Variants in COQ4 observed in about 807,000 individuals in gnomAD.
COQ4 encodes the protein coenzyme Q4.
In COQ4, 36 loss-of-function variants were observed where a neutral mutation model predicts 30.2. The ratio of observed to expected loss-of-function variants is 1.19; its 90% CI spans 0.91 to 1.57. The LOEUF (loss-of-function observed/expected upper bound fraction) is 1.57. COQ4 is among the 40% of genes most tolerant of loss of function. The pLI is 0.00. For synonymous variants in COQ4, 197 were observed against 161.0 expected (o/e 1.22, Z -1.69); for missense variants, 369 against 371.9 (o/e 0.99, Z 0.07).
chr9:128,332,813 T>C (rs1832436584), intron 5 of COQ4, 37 bp from the exon 6 acceptor site: 6 of 1,483,044 alleles, frequency 4.0e-6, no homozygotes, highest in Middle Eastern at 1.7e-4. Flanking sequence ...TTCCTTCAGA[T>C]AGCTTGTTCA....
chr9:128,333,082 A>C, intron 6 of COQ4, 139 bp downstream of exon 6: 1 of 711,080 alleles, frequency 1.4e-6, no homozygotes, highest in East Asian at 2.7e-5. Flanking sequence ...GTAAGGGTAG[A>C]AAGAATGGAG....
rs202108389 is a variant in COQ4 at position 128,325,197 on chromosome 9, G to C, written c.257G>C (p.Arg86Thr). ...GGACACCGCACCCTGAAGGTCCTCA[G>C]GGACCAGATGAGGAGGGATCCAGAG... ...TTGHRTLKVLRDQMRRDPEGA... is the reference protein window; with the variant it reads ...TTGHRTLKVLTDQMRRDPEGA... The change falls in exon 3 of 7, where the codon AGG becomes ACG. Residue 86 changes from arginine to threonine, a missense_variant. Transcript: ENST00000300452. 3.7e-6 allele frequency: 6 copies of C among 1,614,160 alleles called. No homozygotes were observed. The African/African-American group carries it at 6.7e-5, about 18-fold the overall frequency.
rs1398747078 is a variant in COQ4 at position 128,323,028 on chromosome 9, G to A, written c.83G>A (p.Arg28Gln). Residue 28 changes from arginine to glutamine, a missense_variant, in exon 2 of 7, where the codon CGG (arginine) becomes CAG (glutamine). Arg to Gln is a conservative substitution (Grantham distance 43). Transcript: ENST00000300452. The stretch of plus-strand genomic sequence containing the variant: ...TCTTGCCCCGCAGAAATGCCCCTCC[G>A]GGCTAGGAGCGACGGCGCCGGCCCG... Reference protein sequence around the residue: ...LQRPAAEMPLRARSDGAGPLY... With the variant: ...LQRPAAEMPLQARSDGAGPLY... 6.2e-7 allele frequency: 1 copy of A among 1,611,832 alleles called. No individual in the cohort carries two copies. The highest frequency in any genetic ancestry group is 1.7e-5 in the Admixed American group (1 of 60,010).
intron 4 of COQ4, chr9:128,331,195 G>A (rs1255500882): frequency 2.0e-5 from 3 of 152,190 alleles, no homozygotes; most frequent in Admixed American, 6.5e-5. Context: ...TTGAAGTCTC[G>A]TGTGTATTTT....
chr9:128,322,907 G>A lies in COQ4; in HGVS notation c.49G>A (p.Gly17Ser). Reference sequence around the variant, plus strand: ...CCTCCGTCGGCTCTGCGGGCTCCCGGGCCTACAGCGGCCTGCGGCAGGCAA... The same window carrying A: ...CCTCCGTCGGCTCTGCGGGCTCCCGAGCCTACAGCGGCCTGCGGCAGGCAA... ...PVLRRLCGLP[G>S]LQRPAAEMPL... is the part of the protein sequence containing the mutation. Residue 17 changes from glycine to serine, a missense_variant, in exon 1 of 7, where the codon GGC (glycine) becomes AGC (serine). By Grantham distance (56) the Gly-to-Ser change is moderately conservative (BLOSUM62 0). Coordinates refer to ENST00000300452, the MANE Select transcript of COQ4 (RefSeq NM_016035.5). 1 of 1,597,030 alleles carries A rather than the reference G, an allele frequency of 6.3e-7. No individual in the cohort carries two copies. The highest frequency in any genetic ancestry group is 8.5e-7 in the Non-Finnish European group (1 of 1,176,112).
intron 4 of COQ4, among the ~76,000 whole-genome samples, chr9:128,329,236 ACTTATCGGC>A (rs549552236): frequency 8.5e-5 from 13 of 152,292 alleles, no homozygotes; most frequent in African/African-American, 3.1e-4. Flanking sequence ...CTTCCAGGGC[ACTTATCGGC>A]CTTGGTAATG....
chr9:128,326,258 G>A (rs1054076003), intron 4 of COQ4: 5 of 395,938 alleles, frequency 1.3e-5, no homozygotes, highest in South Asian at 3.5e-5. Context: ...AATGGAGATA[G>A]TAATCAATCC....
chr9:128,328,928 C>T (rs1295816676), intron 4 of COQ4, among the ~76,000 whole-genome samples: 4 of 152,236 alleles, frequency 2.6e-5, no homozygotes, highest in Non-Finnish European at 5.9e-5. Flanking sequence ...ACCGCGCTGG[C>T]GATTGTGACA....
At chr9:128,327,186 T>A (rs1178836534) in intron 4 of COQ4, among the ~76,000 whole-genome samples, 1 of 152,160 alleles carries the variant, frequency 6.6e-6, no homozygotes, top group Non-Finnish European at 1.5e-5. Context: ...GGCTCACATC[T>A]GTAATCCCAG....
intron 5 of COQ4, 111 bp downstream of exon 5, chr9:128,332,393 C>T: frequency 8.5e-7 from 1 of 1,169,936 alleles, no homozygotes; most frequent in East Asian, 2.5e-5. Context: ...GCCTCAATTT[C>T]TGCTTTACCT....
intron 5 of COQ4, 56 bp downstream of exon 5, chr9:128,332,338 C>T: frequency 1.9e-6 from 3 of 1,587,388 alleles, no homozygotes; most frequent in Non-Finnish European, 2.6e-6. Flanking sequence ...AGGGCCAGGG[C>T]AGGGCTTGCC....
At chr9:128,323,329 A>G (rs1832249468) in intron 2 of COQ4, 182 bp downstream of exon 2, 1 of 636,090 alleles carries the variant, frequency 1.6e-6, no homozygotes, top group Non-Finnish European at 2.6e-6. Flanking sequence ...CTGAATCTGC[A>G]GTGGAGGGAG....
chr9:128,328,943 T>G (rs1259681563), intron 4 of COQ4, among the ~76,000 whole-genome samples: 1 of 152,138 alleles, frequency 6.6e-6, no homozygotes, highest in East Asian at 1.9e-4. Context: ...GTGACACTTG[T>G]AGAGCAAGGA....
chr9:128,333,648 T>C lies in COQ4; in HGVS notation c.*3T>C, dbSNP rs1377219593. On this transcript the variant is annotated 3_prime_UTR_variant, in exon 7 of 7. Transcript: ENST00000300452. ...TGCACGTCCAGGGCTTGGCCTGAGCTCCTGAGCCAGCGGGGCCTGGCCTAC... is the reference window on the plus strand; with the variant it reads ...TGCACGTCCAGGGCTTGGCCTGAGCCCCTGAGCCAGCGGGGCCTGGCCTAC... 4 of 1,535,272 alleles carry C rather than the reference T, an allele frequency of 2.6e-6. No individual in the cohort carries two copies. Among genetic ancestry groups the C allele is most frequent in the Non-Finnish European group, 2.6e-6 (3 of 1,146,398 alleles).
intron 2 of COQ4, among the ~76,000 whole-genome samples, chr9:128,324,179 A>C (rs541348006): frequency 1.3e-5 from 2 of 152,018 alleles, no homozygotes; most frequent in African/African-American, 4.8e-5. Context: ...GGATTTTGCT[A>C]TGTTGCCCAG....
chr9:128,325,875 T>C lies in COQ4; in HGVS notation c.396T>C (p.Asp132=), dbSNP rs1832311731. 3.1e-6 allele frequency: 5 copies of C among 1,614,018 alleles called. No homozygotes were observed. In the East Asian group the frequency reaches 8.9e-5, roughly 29 times the overall value. Residue 132 remains aspartate (D), a synonymous_variant, in exon 4 of 7, where the codon GAT becomes GAC. Coordinates refer to ENST00000300452, the MANE Select transcript of COQ4 (RefSeq NM_016035.5). ...GTCGCGAGTATCTCCGTTTCCTGGA[T>C]GTGAACGTGAGTTTTCAGCTCCTGT... The part of the protein sequence containing the change: ...SLGREYLRFL[D]VNRVSPDTRA...
chr9:128,322,889 C>T lies in COQ4; in HGVS notation c.31C>T (p.Arg11Trp), dbSNP rs1224494849. ...GACTCTGCTGCGCCCTGTCCTCCGT[C>T]GGCTCTGCGGGCTCCCGGGCCTACA... MATLLRPVLR[R>W]LCGLPGLQRP... The change falls in exon 1 of 7, where the codon CGG (arginine) becomes TGG (tryptophan). Residue 11 changes from arginine (R) to tryptophan (W), a missense_variant. Arg to Trp is a moderately radical substitution (Grantham distance 101). Transcript: ENST00000300452. 4 of 1,589,746 alleles carry T rather than the reference C, an allele frequency of 2.5e-6. No individual in the cohort carries two copies. The highest frequency in any genetic ancestry group is 1.3e-5 in the African/African-American group (1 of 74,522).
At position 128,328,652 on chromosome 9, in the gene COQ4, G is replaced by C. The variant is rs375057318; in HGVS notation, c.402+2771G>C. Reference sequence around the variant, plus strand: ...ACTGCTCTGAATGGTTATTGTCCCCGAGACGATGTTCTGTTCCTCACAGTC... The same window carrying C: ...ACTGCTCTGAATGGTTATTGTCCCCCAGACGATGTTCTGTTCCTCACAGTC... On this transcript the variant is annotated intron_variant, in intron 4 of 6. Coordinates refer to ENST00000300452, the MANE Select transcript of COQ4 (RefSeq NM_016035.5). Among the ~76,000 whole-genome samples, 3 of 152,184 alleles carry C rather than the reference G, an allele frequency of 2.0e-5. No individual in the cohort carries two copies. The East Asian group carries it at 5.8e-4, about 29-fold the overall frequency.
At chr9:128,324,424 C>A (rs2131464531) in intron 2 of COQ4, among the ~76,000 whole-genome samples, 1 of 152,260 alleles carries the variant, frequency 6.6e-6, no homozygotes, top group South Asian at 2.1e-4. Context: ...CACTTGGCCA[C>A]TAAGTGTTAT....
Sources: allele counts gnomAD v4.1 joint callset (sites outside exome capture counted in the v4.1 genomes callset), GRCh38; gene constraint gnomAD v4.1.1; transcripts MANE v1.5; gene names NCBI Gene and HGNC (gene_info 2026-07-23, HGNC 2026-07-21).